The following ZNF99 variants were observed in gnomAD, a reference collection of about 807,000 sequenced individuals.
ZNF99 encodes zinc finger protein 99, also known as zinc finger protein ENSP00000375192.
A neutral mutation model predicts 12.8 loss-of-function variants in ZNF99; 8 were observed. The observed-to-expected ratio is 0.62, with a 90% confidence interval of 0.37 to 1.13. The LOEUF is 1.13. Among genes scored for constraint, ZNF99 ranks in the 50% most tolerant of loss-of-function variants. The pLI, the probability that ZNF99 is intolerant of heterozygous loss-of-function variation, is 0.02. For missense variants in ZNF99, 1,007 were observed against 1,006.2 expected (o/e 1.00, Z -0.01); for synonymous variants, 318 against 319.0 (o/e 1.00, Z 0.03).
rs757752466 is a variant in ZNF99 at position 22,758,369 on chromosome 19, A to G, written c.1540T>C (p.Cys514Arg). The change falls in exon 4 of 4, where the codon TGT (cysteine) becomes CGT (arginine). Residue 514 changes from cysteine (C) to arginine (R), a missense_variant. Transcript: ENST00000596209. The part of the protein sequence containing the change: ...MEEKPCKCEE[C>R]GKAFKHFSAL... ...GAGAAATGCTTAAAAGCTTTGCCAC[A>G]TTCTTCACATTTGCAAGGTTTCTCT... The G allele has an allele frequency of 1.2e-6, 2 of 1,605,204 alleles. No homozygotes were observed. The highest frequency in any genetic ancestry group is 1.7e-6 in the Non-Finnish European group (2 of 1,173,950).
At chr19:22,783,962 G>C in intron 1 of ZNF99, 52 bp downstream of exon 1, 2 of 1,613,022 alleles carry the variant, frequency 1.2e-6, no homozygotes, top group East Asian at 2.2e-5. Context: ...ACTTTCCACC[G>C]GTTCCAGTCA....
In ZNF99 at chr19:22,759,563, C is replaced by A. The variant is rs774698875; in HGVS notation, c.346G>T (p.Asp116Tyr). 1.2e-6 allele frequency: 2 copies of A among 1,611,558 alleles called. No individual in the cohort carries two copies. Among genetic ancestry groups the A allele is most frequent in the African/African-American group, 2.7e-5 (2 of 74,834 alleles). The part of the protein sequence containing the change: ...CGHKNLRLRK[D>Y]CESVNEGKMH... Reference sequence around the variant, plus strand: ...TTACCCTCATTGACACTTTCACAATCTTTTCTTAATCGTAAATTCTTATGT... The same window carrying A: ...TTACCCTCATTGACACTTTCACAATATTTTCTTAATCGTAAATTCTTATGT... Residue 116 changes from aspartate to tyrosine, a missense_variant, in exon 4 of 4, where the codon GAT becomes TAT. Coordinates refer to ENST00000596209, the MANE Select transcript of ZNF99 (RefSeq NM_001080409.3).
intron 1 of ZNF99, among the ~76,000 whole-genome samples, chr19:22,782,003 A>AT (rs899952500): frequency 9.2e-5 from 14 of 152,220 alleles, no homozygotes; most frequent in Admixed American, 8.5e-4. Flanking sequence ...TCAGGGGATT[A>AT]TTTTTTGCTT....
At position 22,757,343 on chromosome 19, in the gene ZNF99, T is replaced by C. The variant is rs753510658; in HGVS notation, c.2566A>G (p.Ile856Val). 5 of 1,612,344 alleles carry C rather than the reference T, an allele frequency of 3.1e-6. No homozygotes were observed. The highest frequency in any genetic ancestry group is 3.3e-5 in the Admixed American group (2 of 59,960). The change falls in exon 4 of 4, where the codon ATT becomes GTT. Residue 856 changes from isoleucine to valine, a missense_variant. By Grantham distance (29) the Ile-to-Val change is conservative (BLOSUM62 3). Transcript: ENST00000596209. ...NVKNVAKLLN[I>V]SQPLENMR ...CTCATGTTTTCTAAGGGCTGAGAAA[T>C]GTTTAAAAGCTTTGCCACATTCTTC... is the stretch of plus-strand genomic sequence containing the variant.
intron 1 of ZNF99, among the ~76,000 whole-genome samples, chr19:22,775,333 T>C (rs909701558): frequency 6.6e-6 from 1 of 152,166 alleles, no homozygotes; most frequent in Non-Finnish European, 1.5e-5. Context: ...TAATAAATGG[T>C]ACTGGGAAAC....
intron 1 of ZNF99, among the ~76,000 whole-genome samples, chr19:22,779,637 T>C: frequency 6.6e-6 from 1 of 152,250 alleles, no homozygotes; most frequent in East Asian, 1.9e-4. Flanking sequence ...TTCTGAACTT[T>C]GAGCTACCCT....
chr19:22,770,110 C>T (rs1039183251), intron 1 of ZNF99: 2 of 915,436 alleles, frequency 2.2e-6, no homozygotes, highest in Non-Finnish European at 2.8e-6. Context: ...ACCAGTAATG[C>T]CTGTTTTTGG....
intron 1 of ZNF99, among the ~76,000 whole-genome samples, chr19:22,780,641 A>C (rs1973377099): frequency 6.6e-6 from 1 of 151,892 alleles, no homozygotes; most frequent in Non-Finnish European, 1.5e-5. Context: ...CAGTCAGCCA[A>C]GATCGTGCCA....
intron 1 of ZNF99, among the ~76,000 whole-genome samples, chr19:22,772,949 CAT>C (rs1299040671): frequency 1.4e-4 from 21 of 152,104 alleles, no homozygotes; most frequent in African/African-American, 3.9e-4. Flanking sequence ...TCAATGCACA[CAT>C]GTTACTGTGA....
chr19:22,778,842 T>A (rs1055526906), intron 1 of ZNF99, among the ~76,000 whole-genome samples: 3 of 151,818 alleles, frequency 2.0e-5, no homozygotes, highest in Non-Finnish European at 4.4e-5. Context: ...TCGTCTCTAC[T>A]AAAAATACAA....
rs764908090 is a variant in ZNF99, at chr19:22,756,560, T to C, written c.*754A>G. On this transcript the variant is annotated 3_prime_UTR_variant, in exon 4 of 4. Coordinates refer to ENST00000596209, the MANE Select transcript of ZNF99 (RefSeq NM_001080409.3). The stretch of plus-strand genomic sequence containing the variant: ...TTGTAGGGTTTCTCTCCAGTATGAA[T>C]TGATTTATGTTTAGTAAGGTGTGAG... 6 of 1,597,858 alleles carry C rather than the reference T, an allele frequency of 3.8e-6. No individual in the cohort carries two copies. The highest frequency in any genetic ancestry group is 2.2e-5 in the South Asian group (2 of 90,868).
chr19:22,778,954 C>T (rs1973357668), intron 1 of ZNF99, among the ~76,000 whole-genome samples: 1 of 151,266 alleles, frequency 6.6e-6, no homozygotes, highest in Non-Finnish European at 1.5e-5. Context: ...TTGTGGTGAG[C>T]CAAGATTGTG....
rs371174053 is a variant in ZNF99 at position 22,756,458 on chromosome 19, G to T, written c.*856C>A. On this transcript the variant is annotated 3_prime_UTR_variant, in exon 4 of 4. Coordinates refer to ENST00000596209, the MANE Select transcript of ZNF99 (RefSeq NM_001080409.3). ...TTACCACACTCTTCACATTTGTAGG[G>T]TTTCTTTCCAGTATGAATTATCCTA... The T allele has an allele frequency of 2.5e-6, 4 of 1,586,966 alleles. No individual in the cohort carries two copies. The South Asian group carries it at 3.3e-5, about 13-fold the overall frequency.
At chr19:22,771,348 C>T (rs1306680758) in intron 1 of ZNF99, among the ~76,000 whole-genome samples, 4 of 142,866 alleles carry the variant, frequency 2.8e-5, no homozygotes, top group Non-Finnish European at 4.5e-5. Context: ...CTCGGCCTCA[C>T]GGATTCACGC....
At chr19:22,775,663 A>G (rs936255294) in intron 1 of ZNF99, among the ~76,000 whole-genome samples, 3 of 152,272 alleles carry the variant, frequency 2.0e-5, no homozygotes, top group Non-Finnish European at 4.4e-5. Context: ...TATGCTTTTG[A>G]CAAAGGTCTA....
chr19:22,755,381 CT>C lies in ZNF99; in HGVS notation c.*1932del, dbSNP rs548943198. On this transcript the variant is annotated 3_prime_UTR_variant, in exon 4 of 4. Transcript: ENST00000596209. ...CAGTTTTCATATTTGTAGGGTTTCT[CT>C]TCAGTATGAATTATCTTATGTTCAG... is the stretch of plus-strand genomic sequence containing the variant. 255 of 289,076 alleles carry C rather than the reference CT, an allele frequency of 8.8e-4. No homozygotes were observed. The highest frequency in any genetic ancestry group is 5.3e-3 in the African/African-American group (239 of 44,704). The allele number at this position is 289,076 out of a possible 1,614,324, so 17.9% of individuals were successfully genotyped here. A position where few individuals can be genotyped will look rare whatever the true frequency, so the allele number is the denominator to read the frequency against.
chr19:22,755,148 ATGT>A lies in ZNF99; in HGVS notation c.*2163_*2165del, dbSNP rs1973032681. On this transcript the variant is annotated 3_prime_UTR_variant, in exon 4 of 4. Coordinates refer to ENST00000596209, the MANE Select transcript of ZNF99 (RefSeq NM_001080409.3). ...TGTAGGGTTTCTCTCCCATTGAATT[ATGT>A]TGTTTAGCAAGAGTTGAGGACTGGC... The A allele has an allele frequency of 4.4e-6, 1 of 228,456 alleles. No homozygotes were observed. The highest frequency in any genetic ancestry group is 9.0e-6 in the Non-Finnish European group (1 of 111,586). 14.2% of individuals were successfully genotyped at this position (228,456 alleles called of 1,614,324 possible). A position where few individuals can be genotyped will look rare whatever the true frequency, so the allele number is the denominator to read the frequency against.
rs141620687 is a variant in ZNF99 at position 22,753,743 on chromosome 19, T to G, written c.*3571A>C. 16 of 175,360 alleles carry G rather than the reference T, an allele frequency of 9.1e-5. No individual in the cohort carries two copies. In the South Asian group the frequency reaches 2.0e-3, roughly 22 times the overall value. The allele number at this position is 175,360 out of a possible 1,614,324, so 10.9% of individuals were successfully genotyped here. A position where few individuals can be genotyped will look rare whatever the true frequency, so the allele number is the denominator to read the frequency against. Reference sequence around the variant, plus strand: ...AAGTATAAACTCTGTGATGTTAAGATGTGAGCAGATATTAATGGCTTTTCC... The same window carrying G: ...AAGTATAAACTCTGTGATGTTAAGAGGTGAGCAGATATTAATGGCTTTTCC... On this transcript the variant is annotated 3_prime_UTR_variant, in exon 4 of 4. Transcript: ENST00000596209.
Position 22,756,276 on chromosome 19 carries a change from A to T in ZNF99, c.*1038T>A. On this transcript the variant is annotated 3_prime_UTR_variant, in exon 4 of 4. Coordinates refer to ENST00000596209, the MANE Select transcript of ZNF99 (RefSeq NM_001080409.3). ...GAAAGATGGTTAAAAGCTTTGCCAC[A>T]TTCTTCACATTTGTAGGTTTTCCCT... 1.3e-6 allele frequency: 2 copies of T among 1,568,592 alleles called. No individual in the cohort carries two copies. Among genetic ancestry groups the T allele is most frequent in the Non-Finnish European group, 1.7e-6 (2 of 1,156,868 alleles).
Sources: gnomAD v4.1 joint callset for allele counts (sites outside exome capture counted in the v4.1 genomes callset) on GRCh38, gnomAD v4.1.1 for gene constraint, MANE v1.5 for transcripts, NCBI Gene and HGNC (gene_info 2026-07-23, HGNC 2026-07-21) for gene names.